Variants in BCAS3 observed in about 807,000 individuals in gnomAD.
BCAS3 encodes BCAS3 microtubule associated cell migration factor.
In BCAS3, 53 loss-of-function variants were observed where a neutral mutation model predicts 116.1. The ratio of observed to expected loss-of-function variants is 0.46; its 90% CI spans 0.37 to 0.57. The LOEUF is 0.57. BCAS3 is among the 20% of genes least tolerant of loss of function. The probability of loss-of-function intolerance (pLI) is 0.00; values close to 1 mark genes in which losing one functional copy is unlikely to be tolerated. For missense variants in BCAS3, 917 were observed against 1,165.4 expected (o/e 0.79, Z 3.10); for synonymous variants, 391 against 408.2 (o/e 0.96, Z 0.51).
intron 7 of BCAS3, among the ~76,000 whole-genome samples, chr17:60,826,057 T>A (rs1289101695): frequency 6.6e-6 from 1 of 151,904 alleles, no homozygotes. Flanking sequence ...AAACAGGGTT[T>A]CATTTTGTTG....
At position 61,140,283 on chromosome 17, in the gene BCAS3, T is replaced by C. The variant is rs1006785214; in HGVS notation, c.2425+55719T>C. Among the ~76,000 whole-genome samples the C allele has an allele frequency of 3.3e-5, 5 of 151,912 alleles. No homozygotes were observed. The highest frequency in any genetic ancestry group is 1.2e-4 in the African/African-American group (5 of 41,354). ...CAAGACATACACATACTGGACCAATTTGGGAAAGTACGGAAGTTTGCTTTG... is the reference window on the plus strand; with the variant it reads ...CAAGACATACACATACTGGACCAATCTGGGAAAGTACGGAAGTTTGCTTTG... On this transcript the variant is annotated intron_variant, in intron 22 of 23. Coordinates refer to ENST00000407086, the MANE Select transcript of BCAS3 (RefSeq NM_017679.5). The surrounding 1 kb of genome is among the most constrained non-coding windows in gnomAD (Gnocchi z 4.2).
chr17:61,036,011 A>G (rs1448203694), intron 17 of BCAS3, among the ~76,000 whole-genome samples: 1 of 152,182 alleles, frequency 6.6e-6, no homozygotes, highest in Admixed American at 6.5e-5. Context: ...AGGAGGGACT[A>G]CTGTAGTTAT....
Position 61,098,685 on chromosome 17 carries a change from T to A in BCAS3, c.2425+14121T>A, listed in dbSNP as rs1484888147. Reference sequence around the variant, plus strand: ...GACAAGAGTGAGTAGAAGGAGATGATACTGATAGCAATTCTTAAGTCTCTA... The same window carrying A: ...GACAAGAGTGAGTAGAAGGAGATGAAACTGATAGCAATTCTTAAGTCTCTA... On this transcript the variant is annotated intron_variant, in intron 22 of 23. Transcript: ENST00000407086. This position sits in a 1 kb window ranked among gnomAD's most constrained non-coding sequence, Gnocchi z 4.2. Among the ~76,000 whole-genome samples, 1 of 152,196 alleles carries A rather than the reference T, an allele frequency of 6.6e-6. No individual in the cohort carries two copies. Among genetic ancestry groups the A allele is most frequent in the Non-Finnish European group, 1.5e-5 (1 of 68,036 alleles).
chr17:60,910,534 A>G lies in BCAS3; in HGVS notation c.825A>G (p.Thr275=), dbSNP rs774213622. 6.2e-7 allele frequency: 1 copy of G among 1,604,120 alleles called. No individual in the cohort carries two copies. The highest frequency in any genetic ancestry group is 8.5e-7 in the Non-Finnish European group (1 of 1,175,516). The change falls in exon 12 of 24, where the codon ACA becomes ACG. Residue 275 remains threonine (T), a splice_region_variant and synonymous_variant. Transcript: ENST00000407086. ...ACATTTTACCTTTCATTGTACAGAC[A>G]TTGAAAAGTGGCCTGACAATGGTAG... is the stretch of plus-strand genomic sequence containing the variant. ...YTATVISAAK[T]LKSGLTMVGK...
rs149772722 is a variant in BCAS3 at position 61,322,856 on chromosome 17, CAGAG to C, written c.2426-45450_2426-45447del. On this transcript the variant is annotated intron_variant, in intron 22 of 23. Coordinates refer to ENST00000407086, the MANE Select transcript of BCAS3 (RefSeq NM_017679.5). ...AGAGAGAGAGAGAGAGAGAGAGAGA[CAGAG>C]AGAGAGAGAGAGAGAGAGAGGTGGT... Among the ~76,000 whole-genome samples, 109 of 60,492 alleles carry C rather than the reference CAGAG, an allele frequency of 1.8e-3. 1 individual carries two copies. Among genetic ancestry groups the C allele is most frequent in the South Asian group, 2.1e-3 (4 of 1,930 alleles). 39.7% of individuals were successfully genotyped at this position (60,492 alleles called of 152,430 possible).
intron 22 of BCAS3, among the ~76,000 whole-genome samples, chr17:61,167,640 C>T (rs918860086): frequency 6.6e-6 from 1 of 152,118 alleles, no homozygotes; most frequent in African/African-American, 2.4e-5. Flanking sequence ...TAGGGTAGAC[C>T]TCTAAAAAAC....
intron 6 of BCAS3, among the ~76,000 whole-genome samples, chr17:60,756,619 G>A (rs1208569762): frequency 1.3e-5 from 2 of 151,880 alleles, no homozygotes; most frequent in African/African-American, 4.8e-5. Context: ...TTTTTTTATG[G>A]CCACATAATA....
At chr17:61,287,692 C>T (rs2051965824) in intron 22 of BCAS3, among the ~76,000 whole-genome samples, 1 of 152,128 alleles carries the variant, frequency 6.6e-6, no homozygotes, top group Admixed American at 6.5e-5. Context: ...CATCGTTACA[C>T]TCCAGCCTGG....
At position 61,391,795 on chromosome 17, in the gene BCAS3, G is replaced by C. The variant is rs546172585; in HGVS notation, c.2594-182G>C. On this transcript the variant is annotated intron_variant, in intron 23 of 23. Coordinates refer to ENST00000407086, the MANE Select transcript of BCAS3 (RefSeq NM_017679.5). This position sits in a 1 kb window ranked among gnomAD's most constrained non-coding sequence, Gnocchi z 7.7. The stretch of plus-strand genomic sequence containing the variant: ...CCAGCCAGGGGGCTTTCCCTCCCCT[G>C]GCTGAGCCTTCCTGTGACCTGAGCT... 1 of 655,128 alleles carries C rather than the reference G, an allele frequency of 1.5e-6. No individual in the cohort carries two copies. Among genetic ancestry groups the C allele is most frequent in the South Asian group, 1.9e-5 (1 of 53,040 alleles). 40.6% of individuals were successfully genotyped at this position (655,128 alleles called of 1,614,324 possible). A position where few individuals can be genotyped will look rare whatever the true frequency, so the allele number is the denominator to read the frequency against.
rs557338980 is a variant in BCAS3 at position 60,731,209 on chromosome 17, G to C, written c.322-15989G>C. 3.3e-5 allele frequency among the ~76,000 whole-genome samples: 5 copies of C among 151,794 alleles called. No individual in the cohort carries two copies. In the South Asian group the frequency reaches 1.0e-3, roughly 32 times the overall value. On this transcript the variant is annotated intron_variant, in intron 5 of 23. Coordinates refer to ENST00000407086, the MANE Select transcript of BCAS3 (RefSeq NM_017679.5). ...TTGATAACTATACACGTGTTTTTTT[G>C]CTTGTTTGTTTGTTTATTTATTGAG...
At chr17:61,192,267 CAT>C (rs918428043) in intron 22 of BCAS3, among the ~76,000 whole-genome samples, 7 of 52,452 alleles carry the variant, frequency 1.3e-4, no homozygotes, top group South Asian at 9.1e-4. Context: ...AAAAAAGAAA[CAT>C]AGAGTTTAGA....
chr17:61,270,136 T>C (rs1445898710), intron 22 of BCAS3, among the ~76,000 whole-genome samples: 2 of 140,288 alleles, frequency 1.4e-5, no homozygotes, highest in East Asian at 4.0e-4. Flanking sequence ...TTTTTTTTTT[T>C]TGAGACGGAG....
At chr17:60,978,395 G>T (rs984812247) in intron 14 of BCAS3, among the ~76,000 whole-genome samples, 2 of 151,246 alleles carry the variant, frequency 1.3e-5, no homozygotes, top group Admixed American at 6.6e-5. Flanking sequence ...GTAGATTCTG[G>T]ATATTAGCCC....
At chr17:60,771,485 G>A (rs775084153) in intron 6 of BCAS3, among the ~76,000 whole-genome samples, 63 of 151,870 alleles carry the variant, frequency 4.1e-4, no homozygotes, top group African/African-American at 1.0e-3. Context: ...TAAAAGAAAC[G>A]TTGGTTCCCT....
intron 8 of BCAS3, among the ~76,000 whole-genome samples, chr17:60,869,436 G>A (rs538802932): frequency 1.3e-5 from 2 of 152,058 alleles, no homozygotes; most frequent in African/African-American, 2.4e-5. Flanking sequence ...CTGAAATATA[G>A]AAAATAAATT....
chr17:60,876,321 A>G (rs72843591), intron 9 of BCAS3, among the ~76,000 whole-genome samples: 6,748 of 152,012 alleles, frequency 0.044, 215 homozygotes, highest in Non-Finnish European at 0.06. Flanking sequence ...ATTCTGTTGG[A>G]GGTACATTTT....
chr17:61,385,105 A>G (rs1360566621), intron 23 of BCAS3, among the ~76,000 whole-genome samples: 4 of 151,840 alleles, frequency 2.6e-5, no homozygotes, highest in African/African-American at 9.7e-5. Context: ...ATCTCAGCCA[A>G]CTCCATCTCT....
At chr17:61,053,807 G>T (rs1000835443) in intron 19 of BCAS3, among the ~76,000 whole-genome samples, 1 of 152,194 alleles carries the variant, frequency 6.6e-6, no homozygotes, top group African/African-American at 2.4e-5. Flanking sequence ...GTGTCATACT[G>T]CTCTCTCCAG....
intron 10 of BCAS3, among the ~76,000 whole-genome samples, chr17:60,898,173 T>C (rs1306446604): frequency 6.6e-6 from 1 of 152,200 alleles, no homozygotes; most frequent in Non-Finnish European, 1.5e-5. Flanking sequence ...TGTTTTAAAT[T>C]ATTATTTTGA....
Sources: allele counts gnomAD v4.1 joint callset (sites outside exome capture counted in the v4.1 genomes callset), GRCh38; gene constraint gnomAD v4.1.1; non-coding constraint Gnocchi (gnomAD v3.1); transcripts MANE v1.5; gene names NCBI Gene and HGNC (gene_info 2026-07-23, HGNC 2026-07-21).